Variants in DHX38 observed in about 807,000 individuals in gnomAD.
DHX38 encodes DEAH-box helicase 38.
A neutral mutation model predicts 153.1 loss-of-function variants in DHX38; 100 were observed. That is an observed-to-expected ratio of 0.65 (90% CI 0.56 to 0.77). DHX38 has a LOEUF of 0.77. DHX38 is among the 30% of genes least tolerant of loss of function. DHX38 has a pLI of 0.00. For synonymous variants in DHX38, 650 were observed against 631.7 expected, an observed-to-expected ratio of 1.03 and a Z score of -0.43; for missense variants, 1,440 against 1,654.0, an observed-to-expected ratio of 0.87 and a Z score of 2.24.
intron 1 of DHX38, 59 bp from the exon 2 acceptor site, chr16:72,096,080 T>C (rs1013827332): frequency 1.3e-6 from 2 of 1,491,976 alleles, no homozygotes; most frequent in Admixed American, 2.1e-5. Context: ...ACTGCATTTA[T>C]TGTGGGATAT....
At chr16:72,094,194 C>T (rs2041970337) in intron 1 of DHX38, 143 bp downstream of exon 1, 1 of 153,106 alleles carries the variant, frequency 6.5e-6, no homozygotes, top group East Asian at 1.9e-4. Flanking sequence ...CCTTACTCAC[C>T]TCAGGGATGC....
At chr16:72,110,899 G>GAAGTGGAGT in intron 25 of DHX38, 57 bp from the exon 26 acceptor site, 1 of 1,520,868 alleles carries the variant, frequency 6.6e-7, no homozygotes, top group South Asian at 1.2e-5. Context: ...GTGCCGACGA[G>GAAGTGGAGT]GCCTCCTTCC....
Position 72,103,179 on chromosome 16 carries a change from T to C in DHX38, c.1605T>C (p.Phe535=), listed in dbSNP as rs2042124061. Residue 535 remains phenylalanine, a synonymous_variant, in exon 12 of 27, where the codon TTT becomes TTC. Transcript: ENST00000268482. ...ILEQRQYLPI[F]AVQQELLTII... ...AGCAGAGGCAGTACCTGCCCATCTT[T>C]GCAGTGCAGCAGGAGCTGCTCACTA... 7.4e-6 allele frequency: 12 copies of C among 1,614,212 alleles called. No homozygotes were observed. The highest frequency in any genetic ancestry group is 9.3e-6 in the Non-Finnish European group (11 of 1,180,032).
Position 72,098,737 on chromosome 16 carries a change from C to A in DHX38, c.709C>A (p.Pro237Thr). The change falls in exon 5 of 27, where the codon CCT (proline) becomes ACT (threonine). Residue 237 changes from proline (P) to threonine (T), a missense_variant. By Grantham distance (38) the Pro-to-Thr change is conservative. Coordinates refer to ENST00000268482, the MANE Select transcript of DHX38 (RefSeq NM_014003.4). ...RSQWESPSPTPSYRDSERSHR... is the reference protein window; with the variant it reads ...RSQWESPSPTTSYRDSERSHR... Reference sequence around the variant, plus strand: ...ACAGTGGGAATCGCCCTCCCCGACGCCTTCCTATCGGGATTCTGAGCGGAG... The same window carrying A: ...ACAGTGGGAATCGCCCTCCCCGACGACTTCCTATCGGGATTCTGAGCGGAG... 1 of 1,614,214 alleles carries A rather than the reference C, an allele frequency of 6.2e-7. No homozygotes were observed. The highest frequency in any genetic ancestry group is 1.3e-5 in the African/African-American group (1 of 75,058).
At chr16:72,100,980 C>A in intron 9 of DHX38, 106 bp from the exon 10 acceptor site, 2 of 1,107,916 alleles carry the variant, frequency 1.8e-6, no homozygotes, top group South Asian at 1.3e-5. Flanking sequence ...GAGAAAATAG[C>A]CCTGTACCAT....
Position 72,101,075 on chromosome 16 carries a change from C to A in DHX38, c.1279-11C>A. On this transcript the variant is annotated splice_polypyrimidine_tract_variant and intron_variant, in intron 9 of 26. Transcript: ENST00000268482. Reference sequence around the variant, plus strand: ...TTTAACGGGCATCGCTCTTTCTCCCCACTGCTGCAGCCGGAGCCGGTGATT... The same window carrying A: ...TTTAACGGGCATCGCTCTTTCTCCCAACTGCTGCAGCCGGAGCCGGTGATT... The A allele has an allele frequency of 6.2e-7, 1 of 1,613,826 alleles. No individual in the cohort carries two copies. The highest frequency in any genetic ancestry group is 8.5e-7 in the Non-Finnish European group (1 of 1,179,728).
chr16:72,097,147 C>A, intron 3 of DHX38, 138 bp downstream of exon 3: 1 of 946,910 alleles, frequency 1.1e-6, no homozygotes, highest in Non-Finnish European at 1.5e-6. Context: ...GTGGTTTTGA[C>A]CCTGCTGGGA....
rs2042140522 is a variant in DHX38, at chr16:72,104,206, C to G, written c.2010+75C>G. 4 of 1,554,350 alleles carry G rather than the reference C, an allele frequency of 2.6e-6. No homozygotes were observed. The highest frequency in any genetic ancestry group is 2.2e-4 in the Middle Eastern group (1 of 4,570). ...CACCACCAGTAGCTAGTGGGTTGCTCCAGGTGGGCTGAGGGGGTCTCTGGT... is the reference window on the plus strand; with the variant it reads ...CACCACCAGTAGCTAGTGGGTTGCTGCAGGTGGGCTGAGGGGGTCTCTGGT... On this transcript the variant is annotated intron_variant, in intron 14 of 26. Coordinates refer to ENST00000268482, the MANE Select transcript of DHX38 (RefSeq NM_014003.4). The surrounding 1 kb of genome is among the most constrained non-coding windows in gnomAD (Gnocchi z 4.5).
At chr16:72,102,922 G>T (rs1317494654) in intron 11 of DHX38, 152 bp from the exon 12 acceptor site, 1 of 1,089,152 alleles carries the variant, frequency 9.2e-7, no homozygotes, top group Non-Finnish European at 1.3e-6. Context: ...TCCTGAGGTC[G>T]ATGAGAACCA....
intron 19 of DHX38, among the ~76,000 whole-genome samples, chr16:72,106,984 T>C: frequency 6.6e-6 from 1 of 151,736 alleles, no homozygotes; most frequent in African/African-American, 2.4e-5. Flanking sequence ...CCATGGCCAA[T>C]ATGGTGAAAC....
rs1383046959 is a variant in DHX38, at chr16:72,104,896, T to A, written c.2152-131T>A. On this transcript the variant is annotated intron_variant, in intron 15 of 26. Coordinates refer to ENST00000268482, the MANE Select transcript of DHX38 (RefSeq NM_014003.4). This position sits in a 1 kb window ranked among gnomAD's most constrained non-coding sequence, Gnocchi z 4.5. ...TGTAGAGGCCTCGCAGTCAGGCCCA[T>A]GTGGAGGTGTGGTGGCCCTCAAAGT... 2.2e-6 allele frequency: 2 copies of A among 920,648 alleles called. No individual in the cohort carries two copies. The highest frequency in any genetic ancestry group is 3.2e-6 in the Non-Finnish European group (2 of 616,058). 57.0% of individuals were successfully genotyped at this position (920,648 alleles called of 1,614,324 possible).
chr16:72,109,638 C>T (rs954429674), intron 25 of DHX38, 128 bp downstream of exon 25: 13 of 886,964 alleles, frequency 1.5e-5, no homozygotes, highest in Non-Finnish European at 1.9e-5. Context: ...GGCTGTGATC[C>T]AGCAGGCTGG....
At chr16:72,099,400 C>G in intron 7 of DHX38, 120 bp downstream of exon 7, 1 of 921,310 alleles carries the variant, frequency 1.1e-6, no homozygotes, top group East Asian at 2.7e-5. Flanking sequence ...ACCCAATGCC[C>G]TGGAGTCTCT....
Position 72,093,979 on chromosome 16 carries a change from T to G in DHX38, c.-92T>G, listed in dbSNP as rs1270958005. On this transcript the variant is annotated 5_prime_UTR_variant, in exon 1 of 27. Coordinates refer to ENST00000268482, the MANE Select transcript of DHX38 (RefSeq NM_014003.4). The stretch of plus-strand genomic sequence containing the variant: ...TGTGGATTTTGGCTCCTTGAGCCTG[T>G]CTGAGCGAGGGGTGGCAGCGCCGGC... 6.6e-6 allele frequency: 1 copy of G among 152,506 alleles called. No individual in the cohort carries two copies. The highest frequency in any genetic ancestry group is 2.4e-5 in the African/African-American group (1 of 41,430). 9.4% of individuals were successfully genotyped at this position (152,506 alleles called of 1,614,324 possible). A position where few individuals can be genotyped will look rare whatever the true frequency, so the allele number is the denominator to read the frequency against.
chr16:72,110,932 G>C (rs761370222), intron 25 of DHX38, 24 bp from the exon 26 acceptor site: 1 of 1,570,640 alleles, frequency 6.4e-7, no homozygotes, highest in East Asian at 2.3e-5. Context: ...AGTAGGCTCA[G>C]CCAGGTCTGT....
In DHX38 at chr16:72,104,290, G is replaced by C; in HGVS notation, c.2010+159G>C. 1 of 1,188,564 alleles carries C rather than the reference G, an allele frequency of 8.4e-7. No homozygotes were observed. The highest frequency in any genetic ancestry group is 1.2e-6 in the Non-Finnish European group (1 of 865,298). 73.6% of individuals were successfully genotyped at this position (1,188,564 alleles called of 1,614,324 possible). A position where few individuals can be genotyped will look rare whatever the true frequency, so the allele number is the denominator to read the frequency against. On this transcript the variant is annotated intron_variant, in intron 14 of 26. Transcript: ENST00000268482. This position sits in a 1 kb window ranked among gnomAD's most constrained non-coding sequence, Gnocchi z 4.5. ...TCAGACTCGGGTTGTAGTTCATGCT[G>C]TTCTTGCTCTGCTGAGGGTGGCTTG...
chr16:72,109,537 G>A, intron 25 of DHX38, 27 bp downstream of exon 25: 1 of 1,594,654 alleles, frequency 6.3e-7, no homozygotes, highest in Non-Finnish European at 8.5e-7. Flanking sequence ...CTTCGCAGGG[G>A]TGCTGTTTGC....
intron 10 of DHX38, 47 bp from the exon 11 acceptor site, chr16:72,101,453 C>A (rs201495201): frequency 6.6e-7 from 1 of 1,517,240 alleles, no homozygotes; most frequent in Non-Finnish European, 9.0e-7. Flanking sequence ...TTCCATTGCT[C>A]GCAGTCATGT....
In DHX38 at chr16:72,096,427, G is replaced by A; in HGVS notation, c.270G>A (p.Lys90=). The A allele has an allele frequency of 6.2e-7, 1 of 1,613,966 alleles. No individual in the cohort carries two copies. Among genetic ancestry groups the A allele is most frequent in the Non-Finnish European group, 8.5e-7 (1 of 1,179,968 alleles). The change falls in exon 2 of 27, where the codon AAG becomes AAA. Residue 90 remains lysine (K), a synonymous_variant. Coordinates refer to ENST00000268482, the MANE Select transcript of DHX38 (RefSeq NM_014003.4). The part of the protein sequence containing the change: ...KDWEESKDDQ[K]DAEEEGGDQA... ...GGGAAGAGAGCAAGGATGACCAGAA[G>A]GATGCTGAGGAAGAGGGCGGTGACC...
Sources: gnomAD v4.1 joint callset for allele counts (sites outside exome capture counted in the v4.1 genomes callset) on GRCh38, gnomAD v4.1.1 for gene constraint, Gnocchi (gnomAD v3.1) non-coding constraint, MANE v1.5 for transcripts, NCBI Gene and HGNC (gene_info 2026-07-23, HGNC 2026-07-21) for gene names.